The following PATL1 variants were observed in gnomAD, a reference collection of about 807,000 sequenced individuals.
PATL1 encodes the protein protein PAT1 homolog 1.
A neutral mutation model predicts 100.6 loss-of-function variants in PATL1; 32 were observed. The observed-to-expected ratio is 0.32, with a 90% CI of 0.24 to 0.43. PATL1 has a LOEUF of 0.43. Ranked by LOEUF, PATL1 falls within the 20% of genes least tolerant of loss-of-function variation. PATL1 has a pLI of 1.00. For synonymous variants in PATL1, 332 were observed against 330.0 expected (o/e 1.01, Z -0.07); for missense variants, 747 against 949.9 (o/e 0.79, Z 2.81).
chr11:59,655,911 G>T (rs992189193), intron 7 of PATL1, 45 bp downstream of exon 7: 1 of 1,463,072 alleles, frequency 6.8e-7, no homozygotes, highest in Non-Finnish European at 9.4e-7. Context: ...TGAACTTTAG[G>T]AAAGTAGGAG....
intron 2 of PATL1, among the ~76,000 whole-genome samples, chr11:59,663,748 T>C (rs1861655070): frequency 6.6e-6 from 1 of 152,134 alleles, no homozygotes; most frequent in Admixed American, 6.5e-5. Context: ...TAAGGAAAGG[T>C]GACCATTTGT....
chr11:59,666,864 G>A lies in PATL1; in HGVS notation c.116C>T (p.Ser39Leu), dbSNP rs1861697850. The change falls in exon 2 of 19, where the codon TCA (serine) becomes TTA (leucine). Residue 39 changes from serine to leucine, a missense_variant. By Grantham distance (145) the Ser-to-Leu change is moderately radical. Coordinates refer to ENST00000300146, the MANE Select transcript of PATL1 (RefSeq NM_152716.3). ...IDQFNDDTFG[S>L]GAVDDDWQEA... ...AAGATGTCACTTACCAACTGCACCTGACCCAAATGTATCATCATTGAATTG... is the reference window on the plus strand; with the variant it reads ...AAGATGTCACTTACCAACTGCACCTAACCCAAATGTATCATCATTGAATTG... The A allele has an allele frequency of 6.5e-7, 1 of 1,549,398 alleles. No homozygotes were observed.
chr11:59,650,877 G>T, intron 12 of PATL1, 64 bp from the exon 13 acceptor site: 2 of 1,098,322 alleles, frequency 1.8e-6, no homozygotes, highest in Non-Finnish European at 2.6e-6. Flanking sequence ...TACCAAGTGC[G>T]CATTTGTAGG....
intron 2 of PATL1, among the ~76,000 whole-genome samples, chr11:59,665,582 G>A (rs1861675256): frequency 6.6e-6 from 1 of 151,696 alleles, no homozygotes; most frequent in African/African-American, 2.4e-5. Context: ...GGGATCACTT[G>A]AGGTCAGGAG....
intron 8 of PATL1, among the ~76,000 whole-genome samples, chr11:59,654,457 C>T (rs1338545368): frequency 2.2e-5 from 3 of 134,798 alleles, no homozygotes; most frequent in Admixed American, 8.4e-5. Context: ...CTCCAGCCTG[C>T]GAGACAGAGT....
At chr11:59,656,126 C>T in intron 6 of PATL1, 81 bp from the exon 7 acceptor site, 5 of 813,034 alleles carry the variant, frequency 6.1e-6, no homozygotes, top group Non-Finnish European at 9.0e-6. Flanking sequence ...AGCAGAAATG[C>T]AGTATAAACT....
chr11:59,646,475 T>C (rs570543404), intron 15 of PATL1, among the ~76,000 whole-genome samples: 13 of 152,330 alleles, frequency 8.5e-5, no homozygotes, highest in African/African-American at 2.9e-4. Flanking sequence ...CGTAAGCCAC[T>C]GTGCCCAGCC....
At chr11:59,644,876 G>A (rs907707888) in intron 15 of PATL1, among the ~76,000 whole-genome samples, 2 of 146,358 alleles carry the variant, frequency 1.4e-5, no homozygotes, top group Non-Finnish European at 3.0e-5. Context: ...GACAACATAG[G>A]GAGACTTCGT....
chr11:59,645,089 G>C (rs1414879081), intron 15 of PATL1, among the ~76,000 whole-genome samples: 1 of 141,992 alleles, frequency 7.0e-6, no homozygotes, highest in Non-Finnish European at 1.5e-5. Context: ...GAGAGCACAG[G>C]GTTGGGGGTA....
intron 14 of PATL1, among the ~76,000 whole-genome samples, chr11:59,648,808 T>C (rs565116763): frequency 6.4e-4 from 97 of 152,338 alleles, no homozygotes; most frequent in African/African-American, 2.2e-3. Context: ...CACGGTGTGT[T>C]GAAAACAAAG....
rs561980316 is a variant in PATL1, at chr11:59,663,925, A to T, written c.127+2928T>A. Among the ~76,000 whole-genome samples the T allele has an allele frequency of 5.9e-5, 9 of 152,346 alleles. No individual in the cohort carries two copies. The South Asian group carries it at 1.9e-3, about 32-fold the overall frequency. On this transcript the variant is annotated intron_variant, in intron 2 of 18. Coordinates refer to ENST00000300146, the MANE Select transcript of PATL1 (RefSeq NM_152716.3). ...ATCAACCTGCAGAGGAGTATCAAAG[A>T]AGTCACAGGTTGACTTGGAAAACAA...
At position 59,652,827 on chromosome 11, in the gene PATL1, A is replaced by G. The variant is rs776520236; in HGVS notation, c.1302+11T>C. ...AAACTATTATCCTCAAAACTAGCAC[A>G]GAGTATTTACCTGGTAATAAAAATC... is the stretch of plus-strand genomic sequence containing the variant. On this transcript the variant is annotated intron_variant, in intron 10 of 18. Transcript: ENST00000300146. 2 of 1,610,894 alleles carry G rather than the reference A, an allele frequency of 1.2e-6. No homozygotes were observed. The highest frequency in any genetic ancestry group is 4.5e-5 in the East Asian group (2 of 44,842).
rs1861384497 is a variant in PATL1 at position 59,647,798 on chromosome 11, C to T, written c.1849G>A (p.Ala617Thr). Residue 617 changes from alanine to threonine, a missense_variant, in exon 15 of 19, where the codon GCC (alanine) becomes ACC (threonine). This residue lies in a region of PATL1 where 434 missense variants were observed against 596.1 expected (regional missense o/e 0.73). Coordinates refer to ENST00000300146, the MANE Select transcript of PATL1 (RefSeq NM_152716.3). ...TTGATAAGGAAAGGGAGGTTCCTGG[C>T]TGTTGTCATGAGAATGTCAGCTGCT... Reference protein sequence around the residue: ...EQAADILMTTARNLPFLIKKD... With the variant: ...EQAADILMTTTRNLPFLIKKD... 11 of 1,613,942 alleles carry T rather than the reference C, an allele frequency of 6.8e-6. No homozygotes were observed. Among genetic ancestry groups the T allele is most frequent in the Non-Finnish European group, 9.3e-6 (11 of 1,179,862 alleles).
chr11:59,659,667 G>A (rs1214541444), intron 2 of PATL1, among the ~76,000 whole-genome samples, 198 bp from the exon 3 acceptor site: 1 of 151,984 alleles, frequency 6.6e-6, no homozygotes, highest in Non-Finnish European at 1.5e-5. Context: ...AGTAGCTGGA[G>A]TAGCTGGGAC....
chr11:59,644,161 C>T (rs763127428), intron 15 of PATL1, among the ~76,000 whole-genome samples: 1 of 152,144 alleles, frequency 6.6e-6, no homozygotes, highest in Non-Finnish European at 1.5e-5. Context: ...CATTCATGTA[C>T]TCACCACCCA....
At position 59,655,658 on chromosome 11, in the gene PATL1, T is replaced by C. The variant is rs780031735; in HGVS notation, c.896A>G (p.Lys299Arg). 28 of 1,604,090 alleles carry C rather than the reference T, an allele frequency of 1.7e-5. No individual in the cohort carries two copies. The highest frequency in any genetic ancestry group is 2.2e-5 in the Non-Finnish European group (26 of 1,175,320). Residue 299 changes from lysine to arginine, a missense_variant, in exon 8 of 19, where the codon AAG (lysine) becomes AGG (arginine). Transcript: ENST00000300146. The part of the protein sequence containing the change: ...VGSPLAAMNP[K>R]LLQGRVGQML... ...CTGCCCAACTCGCCCTTGTAGCAAC[T>C]TGGGATTCATGGCAGCAAGTGGACT...
intron 15 of PATL1, among the ~76,000 whole-genome samples, chr11:59,644,898 T>TTC (rs1368391730): frequency 7.0e-6 from 1 of 142,522 alleles, no homozygotes; most frequent in African/African-American, 2.7e-5. Flanking sequence ...TCCTTTTTTT[T>TTC]TTTTTTTTTT....
At chr11:59,668,686 T>C (rs1211979968) in intron 1 of PATL1, among the ~76,000 whole-genome samples, 195 bp downstream of exon 1, 1 of 152,054 alleles carries the variant, frequency 6.6e-6, no homozygotes. Context: ...CTAATGGGAC[T>C]GTCTCGACCC....
At position 59,659,313 on chromosome 11, in the gene PATL1, A is replaced by G. The variant is rs1467108400; in HGVS notation, c.284T>C (p.Ile95Thr). 5 of 1,551,264 alleles carry G rather than the reference A, an allele frequency of 3.2e-6. No individual in the cohort carries two copies. Among genetic ancestry groups the G allele is most frequent in the East Asian group, 4.9e-5 (2 of 40,930 alleles). Residue 95 changes from isoleucine (I) to threonine (T), a missense_variant, in exon 3 of 19, where the codon ATT (isoleucine) becomes ACT (threonine). Physicochemically the swap from Ile to Thr is moderately conservative, Grantham distance 89. Coordinates refer to ENST00000300146, the MANE Select transcript of PATL1 (RefSeq NM_152716.3). ...NLAERLSKMVIENELEDPAIM... is the reference protein window; with the variant it reads ...NLAERLSKMVTENELEDPAIM... ...AGCTGGATCTTCTAGTTCATTTTCA[A>G]TCACCATCTTACTGAGCCTTTCTGC...
Sources: gnomAD v4.1 joint callset for allele counts (sites outside exome capture counted in the v4.1 genomes callset) on GRCh38, gnomAD v4.1.1 for gene constraint, gnomAD v4.1.1 regional missense constraint, MANE v1.5 for transcripts, NCBI Gene and HGNC (gene_info 2026-07-23, HGNC 2026-07-21) for gene names.